BBOF1: variants seen among roughly 807,000 people sequenced by gnomAD.
BBOF1 encodes basal body orientation factor 1.
Under a neutral mutation model 68.0 loss-of-function variants are expected in BBOF1, and 62 were observed. That is an observed-to-expected ratio of 0.91 (90% CI 0.74 to 1.13). The LOEUF is 1.13. Among genes scored for constraint, BBOF1 ranks in the 50% most tolerant of loss-of-function variants. The probability of loss-of-function intolerance (pLI) is 0.00; values close to 1 mark genes in which losing one functional copy is unlikely to be tolerated. For synonymous variants in BBOF1, 208 were observed against 198.8 expected, an observed-to-expected ratio of 1.05 and a Z score of -0.39; for missense variants, 534 against 600.1, an observed-to-expected ratio of 0.89 and a Z score of 1.15.
rs558804829 is a variant in BBOF1, at chr14:74,079,654, G to C, written n.1536+1302G>C. On this transcript the variant is annotated intron_variant and non_coding_transcript_variant, in intron 10 of 12. Transcript: ENST00000492026. ...TCACCATGTTAGCCAGGATGGTCTCGATCTCCTGACCTCATGATCCGCCCG... is the reference window on the plus strand; with the variant it reads ...TCACCATGTTAGCCAGGATGGTCTCCATCTCCTGACCTCATGATCCGCCCG... Among the ~76,000 whole-genome samples, 3 of 151,660 alleles carry C rather than the reference G, an allele frequency of 2.0e-5. No homozygotes were observed. The South Asian group carries it at 6.3e-4, about 32-fold the overall frequency.
chr14:74,049,826 T>C lies in BBOF1; in HGVS notation c.917T>C (p.Phe306Ser), dbSNP rs146013405. 10 of 1,614,092 alleles carry C rather than the reference T, an allele frequency of 6.2e-6. No homozygotes were observed. The highest frequency in any genetic ancestry group is 5.9e-6 in the Non-Finnish European group (7 of 1,180,030). ...ETALSYMTKEFESEVLKLQQH... is the reference protein window; with the variant it reads ...ETALSYMTKESESEVLKLQQH... ...GCTCTGAGTTACATGACCAAAGAGTTTGAGAGTGAAGTTTTAAAACTGCAG... is the reference window on the plus strand; with the variant it reads ...GCTCTGAGTTACATGACCAAAGAGTCTGAGAGTGAAGTTTTAAAACTGCAG... The change falls in exon 8 of 12, where the codon TTT becomes TCT. Residue 306 changes from phenylalanine to serine, a missense_variant. Transcript: ENST00000394009.
rs752220992 is a variant in BBOF1 at position 74,071,519 on chromosome 14, A to G, written n.1380-6677A>G. On this transcript the variant is annotated intron_variant and non_coding_transcript_variant, in intron 9 of 12. Transcript: ENST00000492026. ...ACCTCTGGAACACAGAAGTCAGGCC[A>G]TCAGCTCTCCACACTGTGTACTAGT... 4 of 1,613,062 alleles carry G rather than the reference A, an allele frequency of 2.5e-6. No individual in the cohort carries two copies. The Admixed American group carries it at 6.7e-5, about 27-fold the overall frequency.
chr14:74,048,381 G>A (rs567709743), intron 7 of BBOF1: 48 of 196,666 alleles, frequency 2.4e-4, no homozygotes, highest in Non-Finnish European at 3.4e-4. Context: ...TACATTTAGC[G>A]GTGAGTAACA....
chr14:74,074,143 C>T (rs532199116), intron 9 of BBOF1, among the ~76,000 whole-genome samples: 2 of 151,678 alleles, frequency 1.3e-5, no homozygotes, highest in South Asian at 2.1e-4. Flanking sequence ...CACCACCACG[C>T]CTGGCTAATT....
chr14:74,036,569 A>G (rs1006802607), intron 4 of BBOF1, among the ~76,000 whole-genome samples: 4 of 151,732 alleles, frequency 2.6e-5, no homozygotes, highest in African/African-American at 9.7e-5. Flanking sequence ...CTGTAGTCCC[A>G]GCTACTCCAG....
At chr14:74,079,371 T>C (rs544872709) in intron 10 of BBOF1, among the ~76,000 whole-genome samples, 9 of 151,538 alleles carry the variant, frequency 5.9e-5, no homozygotes, top group Non-Finnish European at 1.2e-4. Flanking sequence ...CTCAGCCTCC[T>C]GAGTAGCTGG....
chr14:74,069,105 T>TC (rs1424982481), downstream of BBOF1: 53 of 913,926 alleles, frequency 5.8e-5, no homozygotes, highest in South Asian at 2.4e-4. Flanking sequence ...CTTTTTCTTT[T>TC]TTTTTTTTTT....
intron 6 of BBOF1, among the ~76,000 whole-genome samples, chr14:74,047,306 T>C (rs1003034126): frequency 1.3e-5 from 2 of 152,142 alleles, no homozygotes; most frequent in African/African-American, 4.8e-5. Context: ...ACCTCTGCCG[T>C]GTTGGAGTTT....
At chr14:74,022,137 G>T (rs561383610) in intron 1 of BBOF1, among the ~76,000 whole-genome samples, 20 of 152,220 alleles carry the variant, frequency 1.3e-4, no homozygotes, top group African/African-American at 4.6e-4. Flanking sequence ...ACGTTGAGAG[G>T]CCAAGGTGGG....
At chr14:74,057,836 G>A in intron 11 of BBOF1, 1 of 1,033,668 alleles carries the variant, frequency 9.7e-7, no homozygotes, top group Non-Finnish European at 1.2e-6. Context: ...AAGAAACTCT[G>A]AGCAGCAAAT....
intron 5 of BBOF1, among the ~76,000 whole-genome samples, chr14:74,041,534 G>C (rs2059824566): frequency 6.6e-6 from 1 of 151,990 alleles, no homozygotes; most frequent in South Asian, 2.1e-4. Context: ...TTGAGGGTGG[G>C]GCAAATGAGG....
intron 4 of BBOF1, among the ~76,000 whole-genome samples, chr14:74,037,961 A>T (rs2059747286): frequency 6.6e-6 from 1 of 152,096 alleles, no homozygotes; most frequent in Admixed American, 6.6e-5. Flanking sequence ...GTTTCAAAAA[A>T]AAAAAAAAGG....
chr14:74,072,470 C>T lies in BBOF1; in HGVS notation n.1380-5726C>T, dbSNP rs971387386. The T allele has an allele frequency of 1.7e-5, 27 of 1,613,264 alleles. No homozygotes were observed. In the African/African-American group the frequency reaches 3.3e-4, roughly 20 times the overall value. ...TGCTTTACAACAGACACCCAGGTCC[C>T]TTCTTGCCCATCATGTCCCTAGAAT... On this transcript the variant is annotated intron_variant and non_coding_transcript_variant, in intron 9 of 12. Transcript: ENST00000492026.
At chr14:74,060,963 A>C (rs2060326090) in intron 11 of BBOF1, among the ~76,000 whole-genome samples, 2 of 152,002 alleles carry the variant, frequency 1.3e-5, no homozygotes, top group East Asian at 3.8e-4. Flanking sequence ...CATCATTATT[A>C]TGCTGAAACT....
chr14:74,054,122 C>T (rs113748880), intron 8 of BBOF1, among the ~76,000 whole-genome samples: 3 of 151,928 alleles, frequency 2.0e-5, no homozygotes, highest in Non-Finnish European at 4.4e-5. Context: ...GTGATCCGCC[C>T]GCCTCGTCCT....
intron 3 of BBOF1, among the ~76,000 whole-genome samples, chr14:74,029,732 G>A (rs770186695): frequency 6.6e-6 from 1 of 151,036 alleles, no homozygotes; most frequent in Non-Finnish European, 1.5e-5. Context: ...ATAAGTTATT[G>A]TAAAAAACCA....
downstream of BBOF1, among the ~76,000 whole-genome samples, chr14:74,068,022 C>T (rs539820519): frequency 6.9e-6 from 1 of 144,176 alleles, no homozygotes; most frequent in South Asian, 2.2e-4. Context: ...AAAGAACTTA[C>T]AGCCTTACAG....
chr14:74,029,317 T>G (rs942823217), intron 3 of BBOF1, 68 bp downstream of exon 3: 9 of 956,152 alleles, frequency 9.4e-6, no homozygotes, highest in African/African-American at 1.6e-5. Context: ...CTCAGGTATT[T>G]AAGACCCAAT....
At chr14:74,068,166 C>T (rs921312481), downstream of BBOF1, among the ~76,000 whole-genome samples, 1 of 150,256 alleles carries the variant, frequency 6.7e-6, no homozygotes, top group Admixed American at 6.6e-5. Flanking sequence ...GGGTGGATCA[C>T]TTGAGGTCAG....
Sources: gnomAD v4.1 joint callset for allele counts (sites outside exome capture counted in the v4.1 genomes callset) on GRCh38, gnomAD v4.1.1 for gene constraint, MANE v1.5 for transcripts, NCBI Gene and HGNC (gene_info 2026-07-23, HGNC 2026-07-21) for gene names.